Variants in ZNF676 observed in about 807,000 individuals in gnomAD.
ZNF676 encodes the protein zinc finger protein 676.
ZNF676 carries 4 observed loss-of-function variants against 6.0 expected under a neutral mutation model. The ratio of observed to expected loss-of-function variants is 0.67; its 90% CI spans 0.33 to 1.53. The LOEUF is 1.53. Ranked by LOEUF, ZNF676 falls within the 40% of genes most tolerant of loss-of-function variation. ZNF676 has a pLI of 0.06. For synonymous variants in ZNF676, 198 were observed against 223.1 expected (o/e 0.89, Z 1.00); for missense variants, 644 against 679.7 (o/e 0.95, Z 0.58).
intron 1 of ZNF676, among the ~76,000 whole-genome samples, chr19:22,205,515 TATACA>T (rs2024068731): frequency 6.6e-6 from 1 of 152,176 alleles, no homozygotes; most frequent in Non-Finnish European, 1.5e-5. Context: ...AACTGGAAAC[TATACA>T]ATTAAATAAA....
chr19:22,222,501 AAC>A, the ZNF676 span, among the ~76,000 whole-genome samples: 1 of 152,144 alleles, frequency 6.6e-6, no homozygotes, highest in Non-Finnish European at 1.5e-5. Flanking sequence ...AATGGCTTTA[AAC>A]AATTTTTTTG....
the ZNF676 span, among the ~76,000 whole-genome samples, chr19:22,241,688 G>T: frequency 6.6e-6 from 1 of 151,794 alleles, no homozygotes; most frequent in Non-Finnish European, 1.5e-5. Context: ...CTCCATGCTG[G>T]TATGAACCCA....
chr19:22,217,266 G>T (rs186032064), upstream of ZNF676, among the ~76,000 whole-genome samples: 1 of 152,032 alleles, frequency 6.6e-6, no homozygotes, highest in Non-Finnish European at 1.5e-5. Flanking sequence ...ACAGTGGCGC[G>T]ATCTCAGCTC....
At chr19:22,217,629 T>C (rs2024206727), upstream of ZNF676, among the ~76,000 whole-genome samples, 1 of 151,360 alleles carries the variant, frequency 6.6e-6, no homozygotes, top group African/African-American at 2.4e-5. Flanking sequence ...TGGAGTTTGC[T>C]GTGATTACAG....
chr19:22,180,948 C>A lies in ZNF676; in HGVS notation c.769G>T (p.Glu257Ter), dbSNP rs2023732838. 1 of 1,600,670 alleles carries A rather than the reference C, an allele frequency of 6.2e-7. No homozygotes were observed. Among genetic ancestry groups the A allele is most frequent in the African/African-American group, 1.3e-5 (1 of 74,534 alleles). ...HTGEKPYKCE[E>*]CGKGFSSVST... ...ACGCTACTAAATCCTTTGCCACATTCTTCACATTTGTAGGGTTTCTCTCCA... is the reference window on the plus strand; with the variant it reads ...ACGCTACTAAATCCTTTGCCACATTATTCACATTTGTAGGGTTTCTCTCCA... Residue 257 changes from glutamate (E) to a stop codon, truncating the protein, a stop_gained, in exon 3 of 3, where the codon GAA (glutamate) becomes TAA (stop). Coordinates refer to ENST00000397121, the MANE Select transcript of ZNF676 (RefSeq NM_001001411.3). LOFTEE classifies it low-confidence loss of function (END_TRUNC).
At chr19:22,256,973 C>T in the ZNF676 span, among the ~76,000 whole-genome samples, 1 of 152,092 alleles carries the variant, frequency 6.6e-6, no homozygotes, top group Non-Finnish European at 1.5e-5. Flanking sequence ...ACATCACAAT[C>T]CCTCCTTGGG....
At chr19:22,182,983 A>G (rs558989867) in intron 2 of ZNF676, among the ~76,000 whole-genome samples, 1 of 152,166 alleles carries the variant, frequency 6.6e-6, no homozygotes, top group African/African-American at 2.4e-5. Flanking sequence ...AGATAAACTT[A>G]GCAACATCAG....
At chr19:22,236,958 A>G in the ZNF676 span, among the ~76,000 whole-genome samples, 1,803 of 152,284 alleles carry the variant, frequency 0.012, 26 homozygotes, top group South Asian at 0.047. Context: ...TTCCCACTGT[A>G]TTTAAATTTT....
rs1242325931 is a variant in ZNF676 at position 22,180,464 on chromosome 19, T to C, written c.1253A>G (p.Glu418Gly). 2 of 1,611,450 alleles carry C rather than the reference T, an allele frequency of 1.2e-6. No individual in the cohort carries two copies. Among genetic ancestry groups the C allele is most frequent in the East Asian group, 2.2e-5 (1 of 44,690 alleles). ...LMEHKRIHTG[E>G]KPYKCEECGK... ...ACATTCTTCACACTTGTAGGGTTTC[T>C]CTCCAGTATGAATTCTCTTATGTTC... The change falls in exon 3 of 3, where the codon GAG (glutamate) becomes GGG (glycine). Residue 418 changes from glutamate to glycine, a missense_variant. Coordinates refer to ENST00000397121, the MANE Select transcript of ZNF676 (RefSeq NM_001001411.3).
chr19:22,236,158 C>T, the ZNF676 span, among the ~76,000 whole-genome samples: 1 of 151,852 alleles, frequency 6.6e-6, no homozygotes, highest in Non-Finnish European at 1.5e-5. Context: ...TTACTATTTT[C>T]CCAGGTAGAG....
At chr19:22,185,667 T>C (rs1332513318) in intron 2 of ZNF676, among the ~76,000 whole-genome samples, 2 of 152,068 alleles carry the variant, frequency 1.3e-5, no homozygotes, top group African/African-American at 2.4e-5. Context: ...ATGAGAATAA[T>C]CAGTTTAGAG....
At chr19:22,187,820 G>C (rs2023858507) in intron 2 of ZNF676, among the ~76,000 whole-genome samples, 1 of 152,014 alleles carries the variant, frequency 6.6e-6, no homozygotes, top group Admixed American at 6.6e-5. Flanking sequence ...TCTAAATCAG[G>C]AAGAAGTCAA....
rs1456759244 is a variant in ZNF676 at position 22,180,773 on chromosome 19, C to T, written c.944G>A (p.Gly315Asp). The T allele has an allele frequency of 3.1e-6, 5 of 1,594,316 alleles. No individual in the cohort carries two copies. The highest frequency in any genetic ancestry group is 1.1e-5 in the South Asian group (1 of 90,480). Residue 315 changes from glycine to aspartate, a missense_variant, in exon 3 of 3, where the codon GGC (glycine) becomes GAC (aspartate). Around this residue, in one of 5 missense-constraint regions of ZNF676, gnomAD observed 1 missense variants for 16.9 expected, o/e 0.06. Coordinates refer to ENST00000397121, the MANE Select transcript of ZNF676 (RefSeq NM_001001411.3). ...GEKPYKCEEC[G>D]KAFSWSSSLT... The stretch of plus-strand genomic sequence containing the variant: ...GCTTGAGGACCAGCTGAAGGCTTTG[C>T]CACATTCTTCACACTTGTAGGGTTT...
chr19:22,191,792 C>T (rs1437270364), intron 2 of ZNF676, among the ~76,000 whole-genome samples: 1 of 152,176 alleles, frequency 6.6e-6, no homozygotes, highest in Non-Finnish European at 1.5e-5. Flanking sequence ...GCTACAACCC[C>T]ACTCTACTAC....
At chr19:22,239,893 A>G in the ZNF676 span, among the ~76,000 whole-genome samples, 21 of 152,356 alleles carry the variant, frequency 1.4e-4, no homozygotes, top group Middle Eastern at 3.4e-3. Flanking sequence ...CTAGCAATAT[A>G]TCACAATGCC....
At chr19:22,227,940 C>T in the ZNF676 span, among the ~76,000 whole-genome samples, 1 of 152,170 alleles carries the variant, frequency 6.6e-6, no homozygotes, top group Admixed American at 6.5e-5. Context: ...CAAAGAGGAG[C>T]TGGTACCAAT....
chr19:22,232,318 C>A, the ZNF676 span, among the ~76,000 whole-genome samples: 16 of 152,040 alleles, frequency 1.1e-4, no homozygotes, highest in South Asian at 4.1e-4. Context: ...CAGGCGTGCA[C>A]TACCACCCCC....
chr19:22,235,047 AAGGC>A, the ZNF676 span, among the ~76,000 whole-genome samples: 366 of 147,702 alleles, frequency 2.5e-3, 11 homozygotes, highest in African/African-American at 8.3e-3. Flanking sequence ...GAAAAGAAGG[AAGGC>A]AGAAAGGCAG....
At chr19:22,202,538 T>C (rs773993527) in intron 1 of ZNF676, among the ~76,000 whole-genome samples, 4 of 152,176 alleles carry the variant, frequency 2.6e-5, no homozygotes, top group Non-Finnish European at 4.4e-5. Context: ...AGACAAGGTT[T>C]GGAAAATACA....
Sources: gnomAD v4.1 joint callset for allele counts (sites outside exome capture counted in the v4.1 genomes callset) on GRCh38, gnomAD v4.1.1 for gene constraint, gnomAD v4.1.1 regional missense constraint, MANE v1.5 for transcripts, NCBI Gene and HGNC (gene_info 2026-07-23, HGNC 2026-07-21) for gene names.